PXDNL: variants seen among roughly 807,000 people sequenced by gnomAD.
PXDNL encodes the protein probable oxidoreductase PXDNL.
In PXDNL, 145 loss-of-function variants were observed where a neutral mutation model predicts 150.8. The ratio of observed to expected loss-of-function variants is 0.96; its 90% confidence interval spans 0.84 to 1.10. PXDNL has a LOEUF of 1.10. Ranked by LOEUF, PXDNL falls within the 50% of genes least tolerant of loss-of-function variation. PXDNL has a pLI of 0.00. For missense variants in PXDNL, 2,087 were observed against 1,873.9 expected (o/e 1.11, Z -2.10); for synonymous variants, 757 against 725.7 (o/e 1.04, Z -0.69).
chr8:51,791,225 T>C (rs1364377935), intron 1 of PXDNL, among the ~76,000 whole-genome samples: 1 of 152,198 alleles, frequency 6.6e-6, no homozygotes, highest in Non-Finnish European at 1.5e-5. Context: ...AGAAATACAT[T>C]GCAGGCAAAG....
At chr8:51,731,387 G>C (rs1816927362) in intron 1 of PXDNL, among the ~76,000 whole-genome samples, 1 of 152,226 alleles carries the variant, frequency 6.6e-6, no homozygotes, top group Non-Finnish European at 1.5e-5. Flanking sequence ...GATGCAAGAG[G>C]TGGATTTCCA....
chr8:51,495,496 G>A (rs1811024360), intron 5 of PXDNL, among the ~76,000 whole-genome samples: 1 of 151,898 alleles, frequency 6.6e-6, no homozygotes, highest in Non-Finnish European at 1.5e-5. Context: ...CCAGGAGCTG[G>A]TTTTTGAAAA....
chr8:51,781,511 C>T lies in PXDNL; in HGVS notation c.164+27670G>A, dbSNP rs142987833. 4.2e-3 allele frequency among the ~76,000 whole-genome samples: 638 copies of T among 152,268 alleles called. 6 individuals are homozygous for T. Among genetic ancestry groups the T allele is most frequent in the African/African-American group, 0.014 (602 of 41,544 alleles). On this transcript the variant is annotated intron_variant, in intron 1 of 22. Coordinates refer to ENST00000356297, the MANE Select transcript of PXDNL (RefSeq NM_144651.5). ...ACACCTCAGTTTTCCCGTGGCTCTT[C>T]GTCCAGTTGTAGGGTTTGGTCTCTT...
rs28689165 is a variant in PXDNL at position 51,371,791 on chromosome 8, G to A, written c.3901+82C>T. On this transcript the variant is annotated intron_variant, in intron 19 of 22. Transcript: ENST00000356297. ...CTTTTTGCGTATCTTTCTTTAAATC[G>A]CATAATCTTTACCACTGAAAACAAT... is the stretch of plus-strand genomic sequence containing the variant. The A allele has an allele frequency of 4.1e-4, 501 of 1,217,072 alleles. 2 individuals carry two copies. Among genetic ancestry groups the A allele is most frequent in the South Asian group, 3.6e-3 (270 of 74,632 alleles). The allele number at this position is 1,217,072 out of a possible 1,614,324, so 75.4% of individuals were successfully genotyped here.
intron 1 of PXDNL, among the ~76,000 whole-genome samples, chr8:51,698,813 A>G (rs545614509): frequency 9.2e-5 from 14 of 152,368 alleles, no homozygotes; most frequent in African/African-American, 3.4e-4. Context: ...CTTGATCCAT[A>G]TGCTGCAAAG....
Position 51,578,049 on chromosome 8 carries a change from GGAAA to G in PXDNL, c.308+14574_308+14577del, listed in dbSNP as rs1387138387. Among the ~76,000 whole-genome samples, 92 of 86,764 alleles carry G rather than the reference GGAAA, an allele frequency of 1.1e-3. 4 individuals carry two copies. The highest frequency in any genetic ancestry group is 8.6e-3 in the Middle Eastern group (1 of 116). 56.9% of individuals were successfully genotyped at this position (86,764 alleles called of 152,430 possible). A position where few individuals can be genotyped will look rare whatever the true frequency, so the allele number is the denominator to read the frequency against. On this transcript the variant is annotated intron_variant, in intron 3 of 22. Coordinates refer to ENST00000356297, the MANE Select transcript of PXDNL (RefSeq NM_144651.5). ...AGGAAGGAAGGAAGGAAGGAAGGAA[GGAAA>G]GAAAGAAAGGAAAGAAAGAAAAGAA...
Position 51,446,995 on chromosome 8 carries a change from A to G in PXDNL, c.1525+9T>C, listed in dbSNP as rs1401970544. The G allele has an allele frequency of 6.2e-7, 1 of 1,613,592 alleles. No homozygotes were observed. The highest frequency in any genetic ancestry group is 1.3e-5 in the African/African-American group (1 of 74,998). Reference sequence around the variant, plus strand: ...TCAGAATGTGAATATGAATCACAGTATATATTACCTTTGGGTTTTACAGTC... The same window carrying G: ...TCAGAATGTGAATATGAATCACAGTGTATATTACCTTTGGGTTTTACAGTC... On this transcript the variant is annotated intron_variant, in intron 12 of 22. Transcript: ENST00000356297.
Position 51,389,585 on chromosome 8 carries a change from C to T in PXDNL, c.3558-14854G>A, listed in dbSNP as rs544372828. 9.8e-4 allele frequency among the ~76,000 whole-genome samples: 150 copies of T among 152,322 alleles called. 6 individuals carry two copies. The South Asian group carries it at 0.03, about 30-fold the overall frequency. Reference sequence around the variant, plus strand: ...ACTAAAACCTCAACTTCTGATCCCTCAGAGCAATGTCTATGACTGATAATC... The same window carrying T: ...ACTAAAACCTCAACTTCTGATCCCTTAGAGCAATGTCTATGACTGATAATC... On this transcript the variant is annotated intron_variant, in intron 17 of 22. Transcript: ENST00000356297.
intron 2 of PXDNL, among the ~76,000 whole-genome samples, chr8:51,647,929 T>C (rs1238750579): frequency 6.6e-6 from 1 of 152,220 alleles, no homozygotes; most frequent in Non-Finnish European, 1.5e-5. Context: ...TATTTTTTAA[T>C]ATCAAGAAAA....
At chr8:51,808,345 A>AT (rs1325249760) in intron 1 of PXDNL, among the ~76,000 whole-genome samples, 1 of 151,406 alleles carries the variant, frequency 6.6e-6, no homozygotes, top group Non-Finnish European at 1.5e-5. Context: ...TTCTTCTTTT[A>AT]TTTTTTCTTA....
chr8:51,698,858 C>T (rs949677333), intron 1 of PXDNL, among the ~76,000 whole-genome samples: 1 of 152,218 alleles, frequency 6.6e-6, no homozygotes, highest in South Asian at 2.1e-4. Flanking sequence ...AACCATTAAT[C>T]TCCTTGTACA....
rs572645278 is a variant in PXDNL, at chr8:51,445,245, A to T, written c.1525+1759T>A. Reference sequence around the variant, plus strand: ...CCCCAGGTTAATGAATATTCTGAATAATCGATCTGATCAAGACTTTCAATA... The same window carrying T: ...CCCCAGGTTAATGAATATTCTGAATTATCGATCTGATCAAGACTTTCAATA... On this transcript the variant is annotated intron_variant, in intron 12 of 22. Transcript: ENST00000356297. Among the ~76,000 whole-genome samples the T allele has an allele frequency of 2.0e-5, 3 of 152,248 alleles. No homozygotes were observed. The East Asian group carries it at 5.8e-4, about 29-fold the overall frequency.
intron 14 of PXDNL, among the ~76,000 whole-genome samples, chr8:51,422,178 A>G (rs936521967): frequency 7.2e-5 from 11 of 152,012 alleles, no homozygotes; most frequent in Non-Finnish European, 1.5e-4. Context: ...TTGCAGAAAA[A>G]CAAGGTCAGG....
intron 1 of PXDNL, among the ~76,000 whole-genome samples, chr8:51,693,451 T>C (rs1426894065): frequency 4.6e-5 from 7 of 152,222 alleles, no homozygotes; most frequent in Non-Finnish European, 1.0e-4. Context: ...TTTAAGTTTC[T>C]TGCACAACAT....
intron 5 of PXDNL, among the ~76,000 whole-genome samples, chr8:51,492,765 A>G (rs1563436449): frequency 6.6e-6 from 1 of 152,170 alleles, no homozygotes; most frequent in Non-Finnish European, 1.5e-5. Context: ...AGGCTTGACT[A>G]CGTAAACAAA....
chr8:51,590,156 C>A (rs1813411925), intron 3 of PXDNL, among the ~76,000 whole-genome samples: 1 of 152,086 alleles, frequency 6.6e-6, no homozygotes, highest in Non-Finnish European at 1.5e-5. Context: ...TAAGTGGGTT[C>A]CTGCAGTGTG....
intron 1 of PXDNL, among the ~76,000 whole-genome samples, chr8:51,757,103 T>C (rs1166201035): frequency 1.3e-5 from 2 of 152,234 alleles, no homozygotes; most frequent in Non-Finnish European, 2.9e-5. Flanking sequence ...TAATATTCAC[T>C]TAATCAAGAA....
intron 5 of PXDNL, among the ~76,000 whole-genome samples, chr8:51,484,159 A>C (rs1053207768): frequency 1.3e-5 from 2 of 152,126 alleles, no homozygotes; most frequent in African/African-American, 2.4e-5. Flanking sequence ...TTAAAAATAC[A>C]GGCGTGGTGG....
Position 51,349,441 on chromosome 8 carries a change from T to G in PXDNL, c.3902-3494A>C, listed in dbSNP as rs561500193. 4.6e-5 allele frequency among the ~76,000 whole-genome samples: 7 copies of G among 152,276 alleles called. No individual in the cohort carries two copies. In the East Asian group the frequency reaches 7.7e-4, roughly 17 times the overall value. Reference sequence around the variant, plus strand: ...CATGTCAGCCTTCTCCAGGAAGCCTTTCTTAACTGCCAAGAGCAAGTCGAA... The same window carrying G: ...CATGTCAGCCTTCTCCAGGAAGCCTGTCTTAACTGCCAAGAGCAAGTCGAA... On this transcript the variant is annotated intron_variant, in intron 19 of 22. Coordinates refer to ENST00000356297, the MANE Select transcript of PXDNL (RefSeq NM_144651.5).
Sources: allele counts gnomAD v4.1 joint callset (sites outside exome capture counted in the v4.1 genomes callset), GRCh38; gene constraint gnomAD v4.1.1; transcripts MANE v1.5; gene names NCBI Gene and HGNC (gene_info 2026-07-23, HGNC 2026-07-21).